The following TBC1D23 variants were observed in gnomAD, a reference collection of about 807,000 sequenced individuals.
TBC1D23 encodes TBC1 domain family member 23.
TBC1D23 carries 55 observed loss-of-function variants against 91.4 expected under a neutral mutation model. That is an observed-to-expected ratio of 0.60 (90% CI 0.48 to 0.75). The LOEUF is 0.75. Ranked by LOEUF, TBC1D23 falls within the 30% of genes least tolerant of loss-of-function variation. TBC1D23 has a pLI of 0.00. For missense variants in TBC1D23, 725 were observed against 836.1 expected (o/e 0.87, Z 1.64); for synonymous variants, 289 against 281.0 (o/e 1.03, Z -0.28).
intron 4 of TBC1D23, chr3:100,284,021 G>T (rs1029758322): frequency 4.1e-6 from 2 of 491,034 alleles, no homozygotes; most frequent in Non-Finnish European, 7.2e-6. Flanking sequence ...TGAAACAGTG[G>T]TTATACTGGG....
intron 4 of TBC1D23, among the ~76,000 whole-genome samples, chr3:100,285,926 T>G (rs1361893991): frequency 1.3e-5 from 2 of 151,412 alleles, no homozygotes; most frequent in East Asian, 3.9e-4. Flanking sequence ...AGAGTTTTGT[T>G]TTTTTTTTTC....
Position 100,303,349 on chromosome 3 carries a change from C to T in TBC1D23, c.1263+1112C>T, listed in dbSNP as rs183795022. On this transcript the variant is annotated intron_variant, in intron 11 of 18. Transcript: ENST00000394144. ...TTGAAAAGCAAAATCAGAGAAGGAA[C>T]AGGATATTTGGGAGAGGAATTGTAG... is the stretch of plus-strand genomic sequence containing the variant. Among the ~76,000 whole-genome samples the T allele has an allele frequency of 2.6e-5, 4 of 152,164 alleles. 1 individual carries two copies. Among genetic ancestry groups the T allele is most frequent in the East Asian group, 3.9e-4 (2 of 5,180 alleles).
rs372779046 is a variant in TBC1D23 at position 100,274,526 on chromosome 3, A to C, written c.54-5123A>C. 1.2e-4 allele frequency among the ~76,000 whole-genome samples: 19 copies of C among 152,150 alleles called. No individual in the cohort carries two copies. The East Asian group carries it at 1.9e-3, about 15-fold the overall frequency. ...GCATATAATCTCTAGAATGCTTTTC[A>C]TCTTGCAGAACTGAAACTTTGTATC... On this transcript the variant is annotated intron_variant, in intron 1 of 18. Transcript: ENST00000394144.
intron 1 of TBC1D23, among the ~76,000 whole-genome samples, chr3:100,267,504 G>A (rs2067566754): frequency 6.6e-6 from 1 of 152,120 alleles, no homozygotes. Flanking sequence ...TGGAAATCTT[G>A]TAGTGTTTGC....
At chr3:100,266,852 T>C (rs941599321) in intron 1 of TBC1D23, among the ~76,000 whole-genome samples, 2 of 152,198 alleles carry the variant, frequency 1.3e-5, no homozygotes, top group Non-Finnish European at 2.9e-5. Flanking sequence ...TGACAAAGCA[T>C]TTCTGATGCA....
At chr3:100,267,707 T>C (rs1455077820) in intron 1 of TBC1D23, among the ~76,000 whole-genome samples, 2 of 152,220 alleles carry the variant, frequency 1.3e-5, no homozygotes, top group Admixed American at 1.3e-4. Context: ...ATCATGTTGG[T>C]GCTCAAGAGT....
rs573163620 is a variant in TBC1D23, at chr3:100,311,943, A to C, written c.1598+66A>C. The C allele has an allele frequency of 2.1e-4, 227 of 1,060,466 alleles. No individual in the cohort carries two copies. The East Asian group carries it at 5.4e-3, about 25-fold the overall frequency. The allele number at this position is 1,060,466 out of a possible 1,614,324, so 65.7% of individuals were successfully genotyped here. A position where few individuals can be genotyped will look rare whatever the true frequency, so the allele number is the denominator to read the frequency against. On this transcript the variant is annotated intron_variant, in intron 15 of 18. Coordinates refer to ENST00000394144, the MANE Select transcript of TBC1D23 (RefSeq NM_001199198.3). The stretch of plus-strand genomic sequence containing the variant: ...TCCTTTAATATGCTTCATGCCATCT[A>C]TAAGCCTCATGCTGTCTTGGCTCAA...
intron 1 of TBC1D23, among the ~76,000 whole-genome samples, chr3:100,271,084 AT>A (rs377252379): frequency 1.3e-5 from 2 of 151,948 alleles, no homozygotes; most frequent in East Asian, 1.9e-4. Context: ...AATTTAAAAC[AT>A]TTTTTTTCCA....
chr3:100,319,023 T>A (rs546644921), intron 16 of TBC1D23, 46 bp from the exon 17 acceptor site: 2 of 1,300,752 alleles, frequency 1.5e-6, no homozygotes, highest in Admixed American at 4.5e-5. Context: ...ATGTATCATT[T>A]TAAAAGTTGG....
Position 100,304,870 on chromosome 3 carries a change from G to A in TBC1D23, c.1288G>A (p.Ala430Thr). Residue 430 changes from alanine (A) to threonine (T), a missense_variant, in exon 12 of 19, where the codon GCC becomes ACC. Ala to Thr is a moderately conservative substitution (Grantham distance 58). Coordinates refer to ENST00000394144, the MANE Select transcript of TBC1D23 (RefSeq NM_001199198.3). ...LQKNKEYVSI[A>T]SGGFMALQQH... Reference sequence around the variant, plus strand: ...GAAAAACAAAGAATATGTGAGTATTGCCAGTGGAGGATTTATGGGTAAGAT... The same window carrying A: ...GAAAAACAAAGAATATGTGAGTATTACCAGTGGAGGATTTATGGGTAAGAT... The A allele has an allele frequency of 1.3e-6, 2 of 1,503,510 alleles. No homozygotes were observed. The highest frequency in any genetic ancestry group is 4.5e-5 in the East Asian group (2 of 44,228). 93.1% of individuals were successfully genotyped at this position (1,503,510 alleles called of 1,614,324 possible).
chr3:100,307,313 A>G (rs531937437), intron 13 of TBC1D23, among the ~76,000 whole-genome samples: 23 of 152,366 alleles, frequency 1.5e-4, no homozygotes, highest in Admixed American at 1.4e-3. Flanking sequence ...AAACTGCAGT[A>G]CAAGGTCACA....
At chr3:100,283,274 T>A (rs544343173) in intron 3 of TBC1D23, among the ~76,000 whole-genome samples, 1 of 151,870 alleles carries the variant, frequency 6.6e-6, no homozygotes, top group East Asian at 1.9e-4. Context: ...CTCGGGAGGC[T>A]AAGGCAGAAG....
chr3:100,296,571 A>G (rs1466876192), intron 8 of TBC1D23, among the ~76,000 whole-genome samples: 2 of 152,220 alleles, frequency 1.3e-5, no homozygotes, highest in East Asian at 3.9e-4. Context: ...TAAAAATTAT[A>G]TTACAGGGCC....
At chr3:100,269,866 T>G (rs915274021) in intron 1 of TBC1D23, among the ~76,000 whole-genome samples, 1 of 152,202 alleles carries the variant, frequency 6.6e-6, no homozygotes, top group Non-Finnish European at 1.5e-5. Flanking sequence ...ACATGCAGCT[T>G]GCCACTGCTT....
intron 17 of TBC1D23, among the ~76,000 whole-genome samples, chr3:100,319,977 T>C (rs1322631828): frequency 6.6e-6 from 1 of 152,140 alleles, no homozygotes; most frequent in Non-Finnish European, 1.5e-5. Context: ...ATACAGATCA[T>C]ACCCCAAATT....
At chr3:100,303,787 A>G (rs1029297963) in intron 11 of TBC1D23, among the ~76,000 whole-genome samples, 5 of 152,120 alleles carry the variant, frequency 3.3e-5, no homozygotes, top group African/African-American at 1.2e-4. Flanking sequence ...AAAATAAAAT[A>G]AAAACGCTTC....
chr3:100,306,536 C>T lies in TBC1D23; in HGVS notation c.1406C>T (p.Ser469Phe), dbSNP rs1559812328. Residue 469 changes from serine to phenylalanine, a missense_variant, in exon 13 of 19, where the codon TCT (serine) becomes TTT (phenylalanine). Physicochemically the swap from Ser to Phe is radical, Grantham distance 155 (BLOSUM62 -2). Coordinates refer to ENST00000394144, the MANE Select transcript of TBC1D23 (RefSeq NM_001199198.3). ...TCAGGCTCAAGGAGCAGTATCAATTCTGTTGATGTAAGTATATGTAGAGAA... is the reference window on the plus strand; with the variant it reads ...TCAGGCTCAAGGAGCAGTATCAATTTTGTTGATGTAAGTATATGTAGAGAA... ...STSGSRSSIN[S>F]VDGESPNGSS... The T allele has an allele frequency of 6.3e-7, 1 of 1,581,354 alleles. No individual in the cohort carries two copies. The highest frequency in any genetic ancestry group is 8.7e-7 in the Non-Finnish European group (1 of 1,150,778).
At chr3:100,317,205 A>G (rs1045828924) in intron 16 of TBC1D23, among the ~76,000 whole-genome samples, 1 of 152,188 alleles carries the variant, frequency 6.6e-6, no homozygotes, top group Non-Finnish European at 1.5e-5. Flanking sequence ...CATAACTAAT[A>G]TTGGTTAATA....
At chr3:100,262,676 G>T (rs1431376165) in intron 1 of TBC1D23, among the ~76,000 whole-genome samples, 1 of 120,594 alleles carries the variant, frequency 8.3e-6, no homozygotes, top group Non-Finnish European at 1.6e-5. Context: ...AGTGAGCCGA[G>T]ATCGAGCCAC....
Sources: gnomAD v4.1 joint callset for allele counts (sites outside exome capture counted in the v4.1 genomes callset) on GRCh38, gnomAD v4.1.1 for gene constraint, MANE v1.5 for transcripts, NCBI Gene and HGNC (gene_info 2026-07-23, HGNC 2026-07-21) for gene names.